The following WDFY4 variants were observed in gnomAD, a reference collection of about 807,000 sequenced individuals.
WDFY4 encodes WD repeat- and FYVE domain-containing protein 4.
A neutral mutation model predicts 351.9 loss-of-function variants in WDFY4; 169 were observed. The ratio of observed to expected loss-of-function variants is 0.48; its 90% CI spans 0.42 to 0.55. WDFY4 has a LOEUF of 0.55. Among genes scored for constraint, WDFY4 ranks in the 20% least tolerant of loss-of-function variants. WDFY4 has a pLI of 0.00. For missense variants in WDFY4, 3,803 were observed against 3,935.6 expected (o/e 0.97, Z 0.90); for synonymous variants, 1,622 against 1,574.6 (o/e 1.03, Z -0.71).
At chr10:48,938,676 G>A (rs1396931342) in intron 47 of WDFY4, among the ~76,000 whole-genome samples, 1 of 152,210 alleles carries the variant, frequency 6.6e-6, no homozygotes, top group Admixed American at 6.5e-5. Context: ...AAGGCCCTAA[G>A]GCCACATGGC....
In WDFY4 at chr10:48,970,309, G is replaced by C. The variant is rs761374533; in HGVS notation, c.8928+20G>C. 2.6e-6 allele frequency: 4 copies of C among 1,547,692 alleles called. No individual in the cohort carries two copies. Among genetic ancestry groups the C allele is most frequent in the Admixed American group, 2.0e-5 (1 of 50,992 alleles). Reference sequence around the variant, plus strand: ...CGGCAGGTATGGTCCAGCTCGTGCAGGTGCGGTCCTCAGGTGGGGACAGTA... The same window carrying C: ...CGGCAGGTATGGTCCAGCTCGTGCACGTGCGGTCCTCAGGTGGGGACAGTA... On this transcript the variant is annotated intron_variant, in intron 57 of 61. Transcript: ENST00000325239.
intron 13 of WDFY4, among the ~76,000 whole-genome samples, chr10:48,769,880 C>G (rs2132580258): frequency 6.6e-6 from 1 of 152,366 alleles, no homozygotes; most frequent in African/African-American, 2.4e-5. Flanking sequence ...GGCTGCCCCG[C>G]AAATCACTCT....
chr10:48,897,059 G>T (rs983956527), intron 44 of WDFY4, among the ~76,000 whole-genome samples: 1 of 152,076 alleles, frequency 6.6e-6, no homozygotes, highest in African/African-American at 2.4e-5. Context: ...TTACAGTCAC[G>T]CACAGGACCC....
intron 24 of WDFY4, among the ~76,000 whole-genome samples, chr10:48,796,927 C>T (rs905219765): frequency 6.6e-6 from 1 of 152,096 alleles, no homozygotes; most frequent in Non-Finnish European, 1.5e-5. Context: ...GGTGGATCAA[C>T]CCATTCATGA....
At chr10:48,800,142 C>G (rs2067014923) in intron 24 of WDFY4, among the ~76,000 whole-genome samples, 1 of 152,196 alleles carries the variant, frequency 6.6e-6, no homozygotes, top group South Asian at 2.1e-4. Context: ...CCTTGGCCTT[C>G]CAAAGCCCTG....
chr10:48,969,482 A>T (rs1314562618), intron 56 of WDFY4, among the ~76,000 whole-genome samples: 2 of 152,192 alleles, frequency 1.3e-5, no homozygotes, highest in African/African-American at 4.8e-5. Flanking sequence ...TGTCACCTCC[A>T]GAGCAGAGGC....
chr10:48,863,673 C>A (rs551372717), intron 39 of WDFY4, among the ~76,000 whole-genome samples: 3 of 151,260 alleles, frequency 2.0e-5, no homozygotes, highest in South Asian at 4.2e-4. Context: ...TAGTGTCTTT[C>A]GAAGCACAAA....
rs182080956 is a variant in WDFY4, at chr10:48,788,623, C to T, written c.3902C>T (p.Ala1301Val). The T allele has an allele frequency of 1.4e-5, 22 of 1,551,754 alleles. No homozygotes were observed. Among genetic ancestry groups the T allele is most frequent in the African/African-American group, 5.5e-5 (4 of 73,162 alleles). ...GCCAGCTCCTCTATCACCAGTGTAG[C>T]GGACATCAGAAATGCTTACAATGAG... ...HIASSSITSVADIRNAYNEVD... is the reference protein window; with the variant it reads ...HIASSSITSVVDIRNAYNEVD... The change falls in exon 21 of 62, where the codon GCG becomes GTG. Residue 1301 changes from alanine to valine, a missense_variant. Around this residue, in one of 3 missense-constraint regions of WDFY4, gnomAD observed 3,054 missense variants for 3,148.6 expected, o/e 0.97. Transcript: ENST00000325239.
intron 60 of WDFY4, among the ~76,000 whole-genome samples, chr10:48,980,346 C>T (rs116014540): frequency 0.034 from 5,152 of 152,258 alleles, 279 homozygotes; most frequent in African/African-American, 0.12. Flanking sequence ...GGGCATGGCA[C>T]GTGGATATTT....
chr10:48,750,604 G>A (rs947567264), intron 12 of WDFY4, among the ~76,000 whole-genome samples: 9 of 152,220 alleles, frequency 5.9e-5, no homozygotes, highest in Admixed American at 2.6e-4. Context: ...AGCACCCTCA[G>A]CACTGATCAC....
chr10:48,900,080 C>A, intron 45 of WDFY4, 141 bp from the exon 46 acceptor site: 1 of 659,080 alleles, frequency 1.5e-6, no homozygotes, highest in Non-Finnish European at 2.6e-6. Flanking sequence ...GGTCTTCCTA[C>A]CATGGGAACT....
chr10:48,878,226 G>A (rs1228554577), intron 43 of WDFY4: 2 of 152,132 alleles, frequency 1.3e-5, no homozygotes, highest in Non-Finnish European at 1.5e-5. Context: ...ATAAGTGAAG[G>A]AGATACCCAC....
At chr10:48,900,169 C>A in intron 45 of WDFY4, 52 bp from the exon 46 acceptor site, 2 of 1,487,054 alleles carry the variant, frequency 1.3e-6, no homozygotes, top group Non-Finnish European at 1.8e-6. Flanking sequence ...CACCCTGGGG[C>A]GTCTCTAGTC....
intron 12 of WDFY4, among the ~76,000 whole-genome samples, chr10:48,754,746 A>G (rs767642619): frequency 1.3e-5 from 2 of 152,144 alleles, no homozygotes. Context: ...GGAAAATAAT[A>G]AAAGGTCAAT....
chr10:48,880,038 G>A (rs1401192584), intron 43 of WDFY4, among the ~76,000 whole-genome samples: 1 of 152,200 alleles, frequency 6.6e-6, no homozygotes, highest in Non-Finnish European at 1.5e-5. Flanking sequence ...GAGCAGTGTG[G>A]GTGTTGGATG....
chr10:48,860,918 AT>A (rs933325899), intron 39 of WDFY4, among the ~76,000 whole-genome samples: 28 of 151,100 alleles, frequency 1.9e-4, no homozygotes, highest in South Asian at 4.2e-4. Flanking sequence ...AATTTTTTGG[AT>A]TTTTTTTTAT....
At chr10:48,937,351 AAG>A in intron 47 of WDFY4, among the ~76,000 whole-genome samples, 1 of 152,202 alleles carries the variant, frequency 6.6e-6, no homozygotes, top group Non-Finnish European at 1.5e-5. Flanking sequence ...CATTTGGATG[AAG>A]ATTTTTGTTT....
At chr10:48,838,071 C>T (rs1409324023) in intron 39 of WDFY4, among the ~76,000 whole-genome samples, 1 of 152,196 alleles carries the variant, frequency 6.6e-6, no homozygotes, top group African/African-American at 2.4e-5. Context: ...ACTGAAATGG[C>T]CCATGCAGGG....
chr10:48,713,931 G>A (rs2063830883), intron 2 of WDFY4, among the ~76,000 whole-genome samples: 1 of 152,204 alleles, frequency 6.6e-6, no homozygotes, highest in Non-Finnish European at 1.5e-5. Flanking sequence ...GCAGAGCCAA[G>A]ACTTAAACTC....
Sources: allele counts gnomAD v4.1 joint callset (sites outside exome capture counted in the v4.1 genomes callset), GRCh38; gene constraint gnomAD v4.1.1; regional missense constraint gnomAD v4.1.1; transcripts MANE v1.5; gene names NCBI Gene and HGNC (gene_info 2026-07-23, HGNC 2026-07-21).